Variants in PDZD2 observed in about 807,000 individuals in gnomAD.
PDZD2 encodes PDZ domain containing 2, also known as PDZ domain-containing protein 2.
In PDZD2, 90 loss-of-function variants were observed where a neutral mutation model predicts 220.7. That is an observed-to-expected ratio of 0.41 (90% CI 0.34 to 0.49). The LOEUF (loss-of-function observed/expected upper bound fraction) is 0.49, where lower values mean the gene tolerates loss of function less well. Among genes scored for constraint, PDZD2 ranks in the 20% least tolerant of loss-of-function variants. PDZD2 has a pLI of 0.28. For synonymous variants in PDZD2, 1,375 were observed against 1,450.5 expected (o/e 0.95, Z 1.18); for missense variants, 3,174 against 3,608.5 (o/e 0.88, Z 3.08).
At chr5:32,008,927 C>T (rs113359413) in intron 5 of PDZD2, among the ~76,000 whole-genome samples, 30 of 151,706 alleles carry the variant, frequency 2.0e-4, no homozygotes, top group African/African-American at 7.0e-4. Context: ...GAGCTGCTGG[C>T]GGAAAAGGCA....
intron 2 of PDZD2, among the ~76,000 whole-genome samples, chr5:31,859,966 C>T (rs1359256243): frequency 6.6e-6 from 1 of 152,056 alleles, no homozygotes; most frequent in African/African-American, 2.4e-5. Context: ...GCACAGAGGA[C>T]CTCTGCTGTA....
chr5:32,097,209 G>A, intron 21 of PDZD2, 70 bp from the exon 22 acceptor site: 1 of 967,370 alleles, frequency 1.0e-6, no homozygotes, highest in African/African-American at 1.6e-5. Flanking sequence ...CTGGCCCAAG[G>A]GGATATGTTT....
intron 6 of PDZD2, among the ~76,000 whole-genome samples, chr5:32,034,098 TGGGG>T (rs1273538711): frequency 1.3e-5 from 2 of 152,088 alleles, no homozygotes; most frequent in Non-Finnish European, 2.9e-5. Context: ...TATGAAAACC[TGGGG>T]CTGTGTTGGG....
chr5:31,781,795 C>T lies in PDZD2; in HGVS notation c.-360-17094C>T, dbSNP rs370074709. ...ACACAGTTGTATAATGTGAGACAGA[C>T]GTCTCATTTTGTCAGTGCCTATTTC... is the stretch of plus-strand genomic sequence containing the variant. On this transcript the variant is annotated intron_variant, in intron 1 of 24. Coordinates refer to ENST00000438447, the MANE Select transcript of PDZD2 (RefSeq NM_178140.4). 3.9e-4 allele frequency among the ~76,000 whole-genome samples: 60 copies of T among 152,274 alleles called. 2 individuals are homozygous for T. The South Asian group carries it at 0.012, about 29-fold the overall frequency.
At chr5:32,071,551 T>G in intron 16 of PDZD2, 133 bp downstream of exon 16, 1 of 723,462 alleles carries the variant, frequency 1.4e-6, no homozygotes. Context: ...ATACAGGAAA[T>G]CGCAACAATG....
At chr5:31,718,763 C>T (rs1393364178) in intron 1 of PDZD2, among the ~76,000 whole-genome samples, 1 of 145,382 alleles carries the variant, frequency 6.9e-6, no homozygotes, top group African/African-American at 2.5e-5. Flanking sequence ...TGCAGTAGCA[C>T]GATCTCGGCT....
chr5:32,022,043 C>T (rs1394839120), intron 6 of PDZD2, among the ~76,000 whole-genome samples: 1 of 152,226 alleles, frequency 6.6e-6, no homozygotes, highest in African/African-American at 2.4e-5. Context: ...TCTCCGTCCA[C>T]ACTCAGCACT....
In PDZD2 at chr5:32,108,739, A is replaced by ATAAT. The variant is rs750643149; in HGVS notation, c.*610_*613dup. 6 of 152,826 alleles carry ATAAT rather than the reference A, an allele frequency of 3.9e-5. No individual in the cohort carries two copies. In the East Asian group the frequency reaches 5.8e-4, roughly 15 times the overall value. The allele number at this position is 152,826 out of a possible 1,614,324, so 9.5% of individuals were successfully genotyped here. Reference sequence around the variant, plus strand: ...AATTGTCCAAAAAGGAAAAAGCAAAATAATTAATTGAGAGTATTTTTTAGT... The same window carrying ATAAT: ...AATTGTCCAAAAAGGAAAAAGCAAAATAATTAATTAATTGAGAGTATTTTTTAGT... On this transcript the variant is annotated 3_prime_UTR_variant, in exon 25 of 25. Transcript: ENST00000438447.
chr5:31,855,916 G>A (rs1214671707), intron 2 of PDZD2, among the ~76,000 whole-genome samples: 1 of 152,214 alleles, frequency 6.6e-6, no homozygotes, highest in Non-Finnish European at 1.5e-5. Context: ...TGTCTCATGA[G>A]ATGGAGGGAA....
In PDZD2 at chr5:31,695,319, G is replaced by A. The variant is rs1356780414; in HGVS notation, c.-361+55882G>A. ...GATTTTGGGGGCTGCCAAAACCTCA[G>A]TCATCAAAGTCAATGATATTTTGAT... On this transcript the variant is annotated intron_variant, in intron 1 of 24. Coordinates refer to ENST00000438447, the MANE Select transcript of PDZD2 (RefSeq NM_178140.4). Among the ~76,000 whole-genome samples, 9 of 152,170 alleles carry A rather than the reference G, an allele frequency of 5.9e-5. No individual in the cohort carries two copies. In the South Asian group the frequency reaches 1.9e-3, roughly 32 times the overall value.
chr5:31,867,905 G>GGGGCAGAGCA (rs1373472354), intron 2 of PDZD2, among the ~76,000 whole-genome samples: 2 of 151,756 alleles, frequency 1.3e-5, no homozygotes, highest in African/African-American at 2.4e-5. Flanking sequence ...GGGGAGGGGC[G>GGGGCAGAGCA]GGGCAGAGCA....
intron 2 of PDZD2, among the ~76,000 whole-genome samples, chr5:31,895,075 A>C (rs1239394629): frequency 6.6e-6 from 1 of 152,126 alleles, no homozygotes; most frequent in Non-Finnish European, 1.5e-5. Flanking sequence ...TTTTTAGTAG[A>C]GACGGGATTT....
At chr5:31,664,119 T>C (rs1414914119) in intron 1 of PDZD2, among the ~76,000 whole-genome samples, 2 of 152,160 alleles carry the variant, frequency 1.3e-5, no homozygotes, top group Admixed American at 6.5e-5. Context: ...GCCTGTGTAT[T>C]AGGGTAATGA....
chr5:31,650,978 G>T (rs1745328556), intron 1 of PDZD2, among the ~76,000 whole-genome samples: 1 of 152,198 alleles, frequency 6.6e-6, no homozygotes, highest in African/African-American at 2.4e-5. Flanking sequence ...AGCCAGTCAT[G>T]AAAGAAGACA....
chr5:31,876,762 T>G (rs1293283489), intron 2 of PDZD2, among the ~76,000 whole-genome samples: 1 of 152,180 alleles, frequency 6.6e-6, no homozygotes, highest in Non-Finnish European at 1.5e-5. Flanking sequence ...TTTCCCTGAG[T>G]ATAATATAAC....
At position 32,110,672 on chromosome 5, in the gene PDZD2, G is replaced by C. The variant is rs1385138671; in HGVS notation, c.*2537G>C. ...GAATATACCATGAAGATTAAAGTAG[G>C]CTGGGTTTCATTTCCATCTTCCCAC... On this transcript the variant is annotated 3_prime_UTR_variant, in exon 25 of 25. Transcript: ENST00000438447. 1 of 152,460 alleles carries C rather than the reference G, an allele frequency of 6.6e-6. No homozygotes were observed. The highest frequency in any genetic ancestry group is 1.5e-5 in the Non-Finnish European group (1 of 68,026). The allele number at this position is 152,460 out of a possible 1,614,324, so 9.4% of individuals were successfully genotyped here. A position where few individuals can be genotyped will look rare whatever the true frequency, so the allele number is the denominator to read the frequency against.
At chr5:31,698,620 G>A (rs973035466) in intron 1 of PDZD2, among the ~76,000 whole-genome samples, 3 of 150,994 alleles carry the variant, frequency 2.0e-5, no homozygotes, top group African/African-American at 7.3e-5. Flanking sequence ...AAAAGAAAAA[G>A]AGAAGGCTGG....
intron 1 of PDZD2, among the ~76,000 whole-genome samples, chr5:31,661,873 G>T (rs1266616321): frequency 2.0e-5 from 3 of 151,254 alleles, no homozygotes; most frequent in Admixed American, 1.3e-4. Context: ...GGCAGGGGAA[G>T]ATGATGGGAG....
intron 1 of PDZD2, among the ~76,000 whole-genome samples, chr5:31,652,329 T>C (rs1745384776): frequency 6.6e-6 from 1 of 152,142 alleles, no homozygotes; most frequent in African/African-American, 2.4e-5. Flanking sequence ...TCTCAACTGC[T>C]CCTCCCCATC....
Sources: gnomAD v4.1 joint callset for allele counts (sites outside exome capture counted in the v4.1 genomes callset) on GRCh38, gnomAD v4.1.1 for gene constraint, MANE v1.5 for transcripts, NCBI Gene and HGNC (gene_info 2026-07-23, HGNC 2026-07-21) for gene names.